The following MIEF1 variants were observed in gnomAD, a reference collection of about 807,000 sequenced individuals.
MIEF1 encodes the protein mitochondrial dynamics protein MIEF1.
A neutral mutation model predicts 35.1 loss-of-function variants in MIEF1; 14 were observed. That is an observed-to-expected ratio of 0.40 (90% confidence interval 0.26 to 0.62). The LOEUF (loss-of-function observed/expected upper bound fraction) is 0.62, where lower values mean the gene tolerates loss of function less well. Among genes scored for constraint, MIEF1 ranks in the 20% least tolerant of loss-of-function variants. The pLI, the probability that MIEF1 is intolerant of heterozygous loss-of-function variation, is 0.43. For synonymous variants in MIEF1, 245 were observed against 254.3 expected (o/e 0.96, Z 0.35); for missense variants, 542 against 615.4 (o/e 0.88, Z 1.26).
rs1601754055 is a variant in MIEF1, at chr22:39,514,553, C to T, written c.*230C>T. On this transcript the variant is annotated 3_prime_UTR_variant, in exon 6 of 6. Transcript: ENST00000325301. ...CTGTGCTCTCTGCCGCCCCCTGGCT[C>T]CAGGCTAATTTTTCTGGAATGAATT... 1.8e-6 allele frequency: 1 copy of T among 561,092 alleles called. No individual in the cohort carries two copies. The highest frequency in any genetic ancestry group is 3.2e-6 in the Non-Finnish European group (1 of 316,216). The allele number at this position is 561,092 out of a possible 1,614,324, so 34.8% of individuals were successfully genotyped here.
At position 39,517,275 on chromosome 22, in the gene MIEF1, T is replaced by C. The variant is rs1930722056; in HGVS notation, c.*2952T>C. The C allele has an allele frequency of 9.9e-6, 2 of 202,444 alleles. No individual in the cohort carries two copies. Among genetic ancestry groups the C allele is most frequent in the African/African-American group, 4.7e-5 (2 of 42,520 alleles). 12.5% of individuals were successfully genotyped at this position (202,444 alleles called of 1,614,324 possible). A position where few individuals can be genotyped will look rare whatever the true frequency, so the allele number is the denominator to read the frequency against. ...TAAACCTAATAAATTCCAGAGTTTATTTTGGTTCTCCTCTGTTGCCCTTCC... is the reference window on the plus strand; with the variant it reads ...TAAACCTAATAAATTCCAGAGTTTACTTTGGTTCTCCTCTGTTGCCCTTCC... On this transcript the variant is annotated 3_prime_UTR_variant, in exon 6 of 6. Transcript: ENST00000325301.
rs570405053 is a variant in MIEF1, at chr22:39,507,218, C to T, written c.-8+2684C>T. 3.3e-5 allele frequency among the ~76,000 whole-genome samples: 5 copies of T among 152,146 alleles called. No individual in the cohort carries two copies. The South Asian group carries it at 8.3e-4, about 25-fold the overall frequency. ...TGTCAGTCCGTCCTTGGATGGTGGG[C>T]GGGGGGTGCCTATTGCACTACAGTA... is the stretch of plus-strand genomic sequence containing the variant. On this transcript the variant is annotated intron_variant, in intron 2 of 5. Transcript: ENST00000325301.
At chr22:39,502,735 C>T (rs1929808544) in intron 1 of MIEF1, among the ~76,000 whole-genome samples, 1 of 152,238 alleles carries the variant, frequency 6.6e-6, no homozygotes, top group Non-Finnish European at 1.5e-5. Context: ...GGGGCTCAGC[C>T]GCCCAGTCGC....
rs376174257 is a variant in MIEF1 at position 39,514,242 on chromosome 22, G to A, written c.1311G>A (p.Glu437=). The change falls in exon 6 of 6, where the codon GAG becomes GAA. Residue 437 remains glutamate, a synonymous_variant. Coordinates refer to ENST00000325301, the MANE Select transcript of MIEF1 (RefSeq NM_019008.6). ...ALNPKVNLFA[E]LTPEEIDELG... is the part of the protein sequence containing the mutation. ...ACCCCAAGGTGAACTTATTTGCAGA[G>A]CTCACCCCTGAAGAAATAGACGAAT... The A allele has an allele frequency of 1.3e-4, 205 of 1,614,100 alleles. No individual in the cohort carries two copies. The highest frequency in any genetic ancestry group is 1.6e-4 in the Non-Finnish European group (191 of 1,180,054).
At chr22:39,502,616 G>T (rs1929796195) in intron 1 of MIEF1, among the ~76,000 whole-genome samples, 179 bp downstream of exon 1, 1 of 150,260 alleles carries the variant, frequency 6.7e-6, no homozygotes, top group Admixed American at 6.6e-5. Context: ...CGGCTGCCCC[G>T]CCCCGCCCCA....
chr22:39,511,825 C>T, intron 3 of MIEF1, 24 bp from the exon 4 acceptor site: 1 of 1,599,788 alleles, frequency 6.3e-7, no homozygotes, highest in East Asian at 2.2e-5. Flanking sequence ...AGGTTTATGT[C>T]CTGTGTCCTC....
intron 5 of MIEF1, among the ~76,000 whole-genome samples, chr22:39,513,030 C>G (rs772860910): frequency 6.6e-6 from 1 of 152,138 alleles, no homozygotes; most frequent in Non-Finnish European, 1.5e-5. Flanking sequence ...CTCCTCCTTC[C>G]TATATTCTTG....
At chr22:39,504,728 G>A (rs1929929934) in intron 2 of MIEF1, 194 bp downstream of exon 2, 2 of 242,930 alleles carry the variant, frequency 8.2e-6, no homozygotes, top group South Asian at 1.8e-4. Flanking sequence ...CTGCAGTGAG[G>A]TATGATTGCA....
chr22:39,504,880 G>C (rs868420591), intron 2 of MIEF1, among the ~76,000 whole-genome samples: 1 of 152,140 alleles, frequency 6.6e-6, no homozygotes, highest in Non-Finnish European at 1.5e-5. Flanking sequence ...CCTGGAGTGG[G>C]AACTGCAATT....
chr22:39,508,146 A>G (rs1479398988), intron 2 of MIEF1, among the ~76,000 whole-genome samples: 1 of 152,200 alleles, frequency 6.6e-6, no homozygotes, highest in Non-Finnish European at 1.5e-5. Flanking sequence ...TCCTCACTAC[A>G]ACCCTGTGAT....
intron 2 of MIEF1, among the ~76,000 whole-genome samples, chr22:39,506,398 A>G (rs747343996): frequency 2.6e-5 from 4 of 152,110 alleles, no homozygotes; most frequent in Admixed American, 1.3e-4. Context: ...TCAGGGTTCA[A>G]ATCTTGGTCA....
At chr22:39,512,071 G>A (rs769571831) in intron 4 of MIEF1, 45 bp downstream of exon 4, 3 of 1,591,750 alleles carry the variant, frequency 1.9e-6, no homozygotes, top group Non-Finnish European at 8.6e-7. Context: ...TGGACTTTCA[G>A]TACCACTCCT....
At chr22:39,508,714 G>A (rs1283424346) in intron 2 of MIEF1, among the ~76,000 whole-genome samples, 2 of 152,162 alleles carry the variant, frequency 1.3e-5, no homozygotes, top group Non-Finnish European at 1.5e-5. Context: ...TCGGTTTGGC[G>A]AAATAGTCTT....
chr22:39,509,040 A>G (rs1165900314), intron 2 of MIEF1, among the ~76,000 whole-genome samples: 1 of 151,540 alleles, frequency 6.6e-6, no homozygotes, highest in Non-Finnish European at 1.5e-5. Context: ...TCTGTCACCC[A>G]GGCTGGAGTG....
chr22:39,506,929 C>T (rs946855801), intron 2 of MIEF1, among the ~76,000 whole-genome samples: 4 of 152,170 alleles, frequency 2.6e-5, no homozygotes, highest in Non-Finnish European at 4.4e-5. Flanking sequence ...TGTTGGGTAA[C>T]AGAGCCCCAG....
chr22:39,512,117 A>G, intron 4 of MIEF1, 91 bp downstream of exon 4: 1 of 1,558,472 alleles, frequency 6.4e-7, no homozygotes, highest in Non-Finnish European at 8.7e-7. Context: ...CATCTGTGCC[A>G]GGCACTGTGC....
At chr22:39,507,584 T>C (rs559980015) in intron 2 of MIEF1, among the ~76,000 whole-genome samples, 1 of 151,050 alleles carries the variant, frequency 6.6e-6, no homozygotes, top group Non-Finnish European at 1.5e-5. Context: ...ATAGTTTTGA[T>C]CTCAGCTGTT....
intron 2 of MIEF1, among the ~76,000 whole-genome samples, chr22:39,506,683 G>A (rs1930032886): frequency 6.6e-6 from 1 of 152,162 alleles, no homozygotes; most frequent in Admixed American, 6.5e-5. Flanking sequence ...GTCATCCTAG[G>A]AAGCCGCAAG....
At position 39,514,534 on chromosome 22, in the gene MIEF1, T is replaced by C; in HGVS notation, c.*211T>C. ...CTATTTTTGTTACCAATCACTGTGC[T>C]CTCTGCCGCCCCCTGGCTCCAGGCT... On this transcript the variant is annotated 3_prime_UTR_variant, in exon 6 of 6. Coordinates refer to ENST00000325301, the MANE Select transcript of MIEF1 (RefSeq NM_019008.6). 1.7e-6 allele frequency: 1 copy of C among 592,490 alleles called. No individual in the cohort carries two copies. Among genetic ancestry groups the C allele is most frequent in the African/African-American group, 1.9e-5 (1 of 53,822 alleles). The allele number at this position is 592,490 out of a possible 1,614,324, so 36.7% of individuals were successfully genotyped here.
Sources: gnomAD v4.1 joint callset for allele counts (sites outside exome capture counted in the v4.1 genomes callset) on GRCh38, gnomAD v4.1.1 for gene constraint, MANE v1.5 for transcripts, NCBI Gene and HGNC (gene_info 2026-07-23, HGNC 2026-07-21) for gene names.